Variants in CBFA2T2 observed in about 807,000 individuals in gnomAD.
CBFA2T2 encodes the protein CBFA2/RUNX1 partner transcriptional co-repressor 2.
In CBFA2T2, 11 loss-of-function variants were observed where a neutral mutation model predicts 62.2. The ratio of observed to expected loss-of-function variants is 0.18; its 90% CI spans 0.11 to 0.29. CBFA2T2 has a LOEUF of 0.29. Ranked by LOEUF, CBFA2T2 falls within the 10% of genes least tolerant of loss-of-function variation. The pLI, the probability that CBFA2T2 is intolerant of heterozygous loss-of-function variation, is 1.00. For missense variants in CBFA2T2, 592 were observed against 774.1 expected (o/e 0.76, Z 2.79); for synonymous variants, 295 against 287.5 (o/e 1.03, Z -0.27).
intron 1 of CBFA2T2, among the ~76,000 whole-genome samples, chr20:33,545,439 C>CTTTCTT (rs1555833708): frequency 2.0e-5 from 3 of 148,264 alleles, no homozygotes; most frequent in Admixed American, 6.7e-5. Flanking sequence ...CTCTTTCTTT[C>CTTTCTT]TCTTTCTTTC....
At chr20:33,538,071 T>C (rs1183146442) in intron 1 of CBFA2T2, among the ~76,000 whole-genome samples, 1 of 151,902 alleles carries the variant, frequency 6.6e-6, no homozygotes, top group South Asian at 2.1e-4. Flanking sequence ...AGAGCTGACG[T>C]CTTAACAGTT....
chr20:33,634,319 GA>G (rs1200134139), intron 8 of CBFA2T2, among the ~76,000 whole-genome samples: 1 of 152,078 alleles, frequency 6.6e-6, no homozygotes, highest in Non-Finnish European at 1.5e-5. Context: ...TTTTTCCTCA[GA>G]ATGACAGTCA....
At chr20:33,524,636 TAAG>T (rs1162554123) in intron 1 of CBFA2T2, among the ~76,000 whole-genome samples, 1 of 152,144 alleles carries the variant, frequency 6.6e-6, no homozygotes, top group Non-Finnish European at 1.5e-5. Context: ...CTTAAATACA[TAAG>T]AAGACAAACC....
intron 1 of CBFA2T2, among the ~76,000 whole-genome samples, chr20:33,491,969 C>A (rs2011149715): frequency 6.6e-6 from 1 of 151,980 alleles, no homozygotes; most frequent in African/African-American, 2.4e-5. Context: ...CAACCTCCCC[C>A]CGCCCCAGGT....
chr20:33,521,823 C>CGTGTGT (rs111558647), intron 1 of CBFA2T2, among the ~76,000 whole-genome samples: 13 of 148,384 alleles, frequency 8.8e-5, no homozygotes, highest in African/African-American at 2.0e-4. Context: ...ATTTGAGCTG[C>CGTGTGT]GTGTGTGTGT....
chr20:33,500,192 T>C (rs994194002), intron 1 of CBFA2T2, among the ~76,000 whole-genome samples: 4 of 151,854 alleles, frequency 2.6e-5, no homozygotes, highest in African/African-American at 9.7e-5. Context: ...TCCTGACTTG[T>C]GATCTGCCCG....
rs1261503879 is a variant in CBFA2T2 at position 33,643,994 on chromosome 20, T to C, written c.1489-353T>C. Among the ~76,000 whole-genome samples the C allele has an allele frequency of 2.0e-5, 3 of 151,172 alleles. No homozygotes were observed. In the East Asian group the frequency reaches 5.8e-4, roughly 29 times the overall value. On this transcript the variant is annotated intron_variant, in intron 10 of 10. Transcript: ENST00000342704. The stretch of plus-strand genomic sequence containing the variant: ...GGAGACCCTGGCACAGAGTTTGGTT[T>C]GGTTTCTGACTATTAAAATGAGCCA...
intron 1 of CBFA2T2, among the ~76,000 whole-genome samples, chr20:33,593,281 G>A (rs549148222): frequency 1.3e-5 from 2 of 151,890 alleles, no homozygotes; most frequent in East Asian, 3.9e-4. Flanking sequence ...GCAGTGAGCC[G>A]AGATTGTGCC....
chr20:33,535,907 G>T (rs371606120), intron 1 of CBFA2T2, among the ~76,000 whole-genome samples: 1 of 152,208 alleles, frequency 6.6e-6, no homozygotes, highest in Non-Finnish European at 1.5e-5. Flanking sequence ...TCTGTTTAAC[G>T]AAGCACATCT....
intron 10 of CBFA2T2, among the ~76,000 whole-genome samples, chr20:33,643,825 A>ATG (rs58366038): frequency 0.16 from 11,559 of 72,780 alleles, 1,334 homozygotes; most frequent in Non-Finnish European, 0.19. Flanking sequence ...ATAGTATATA[A>ATG]TGTGTGTGTG....
At chr20:33,537,062 T>C (rs1377572628) in intron 1 of CBFA2T2, among the ~76,000 whole-genome samples, 1 of 150,706 alleles carries the variant, frequency 6.6e-6, no homozygotes, top group African/African-American at 2.4e-5. Flanking sequence ...CAGGCAGAGA[T>C]GCTCCTCACT....
At chr20:33,563,311 A>G (rs2013158323) in intron 1 of CBFA2T2, among the ~76,000 whole-genome samples, 1 of 152,166 alleles carries the variant, frequency 6.6e-6, no homozygotes, top group Non-Finnish European at 1.5e-5. Flanking sequence ...TGTGCATATA[A>G]CTACGTACTG....
chr20:33,503,355 A>G (rs1016237563), intron 1 of CBFA2T2, among the ~76,000 whole-genome samples: 1 of 149,396 alleles, frequency 6.7e-6, no homozygotes, highest in Non-Finnish European at 1.5e-5. Flanking sequence ...CCCGGGTTCA[A>G]GCGATTCTCC....
At chr20:33,574,906 A>C (rs575132556) in intron 1 of CBFA2T2, among the ~76,000 whole-genome samples, 12 of 152,208 alleles carry the variant, frequency 7.9e-5, no homozygotes, top group Non-Finnish European at 1.5e-4. Flanking sequence ...AAACTGATCA[A>C]TGTTTTTTAT....
intron 1 of CBFA2T2, among the ~76,000 whole-genome samples, chr20:33,512,447 C>T (rs2011527036): frequency 6.6e-6 from 1 of 152,190 alleles, no homozygotes; most frequent in Non-Finnish European, 1.5e-5. Flanking sequence ...AAGGGGTAAC[C>T]ACTATCCTGA....
intron 1 of CBFA2T2, among the ~76,000 whole-genome samples, chr20:33,580,731 A>C (rs1242257350): frequency 6.6e-6 from 1 of 152,114 alleles, no homozygotes; most frequent in African/African-American, 2.4e-5. Flanking sequence ...ATGTGCCTGT[A>C]GTCCCAGGCT....
chr20:33,496,209 T>G (rs964192796), intron 1 of CBFA2T2, among the ~76,000 whole-genome samples: 2 of 152,202 alleles, frequency 1.3e-5, no homozygotes, highest in African/African-American at 4.8e-5. Flanking sequence ...GTCTACTGGC[T>G]GAAGGTAGTT....
chr20:33,612,901 A>G (rs1023426616), intron 3 of CBFA2T2, among the ~76,000 whole-genome samples: 1 of 152,208 alleles, frequency 6.6e-6, no homozygotes, highest in Admixed American at 6.5e-5. Flanking sequence ...GCCTGGGTAC[A>G]TAGTGAGACT....
intron 1 of CBFA2T2, among the ~76,000 whole-genome samples, chr20:33,513,112 G>T (rs556854051): frequency 1.1e-4 from 16 of 152,272 alleles, no homozygotes; most frequent in African/African-American, 3.8e-4. Context: ...GACATACAGT[G>T]TGCATATGTT....
Sources: allele counts gnomAD v4.1 joint callset (sites outside exome capture counted in the v4.1 genomes callset), GRCh38; gene constraint gnomAD v4.1.1; transcripts MANE v1.5; gene names NCBI Gene and HGNC (gene_info 2026-07-23, HGNC 2026-07-21).